The following BRPF1 variants were observed in gnomAD, a reference collection of about 807,000 sequenced individuals.
BRPF1 encodes the protein peregrin.
A neutral mutation model predicts 115.0 loss-of-function variants in BRPF1; 15 were observed. That is an observed-to-expected ratio of 0.13 (90% CI 0.09 to 0.20). The LOEUF (loss-of-function observed/expected upper bound fraction) is 0.20, where lower values mean the gene tolerates loss of function less well. Ranked by LOEUF, BRPF1 falls within the 10% of genes least tolerant of loss-of-function variation. The pLI is 1.00. For missense variants in BRPF1, 1,118 were observed against 1,638.3 expected, an observed-to-expected ratio of 0.68 and a Z score of 5.48; for synonymous variants, 647 against 619.8, an observed-to-expected ratio of 1.04 and a Z score of -0.65.
At chr3:9,740,042 A>C in intron 3 of BRPF1, 84 bp downstream of exon 3, 1 of 1,451,360 alleles carries the variant, frequency 6.9e-7, no homozygotes, top group Non-Finnish European at 9.1e-7. Context: ...GTGGAATGGC[A>C]GGGCTGGGCT....
intron 2 of BRPF1, among the ~76,000 whole-genome samples, chr3:9,735,417 T>C (rs1286735065): frequency 2.0e-5 from 3 of 152,210 alleles, no homozygotes; most frequent in Non-Finnish European, 4.4e-5. Context: ...AAACATCCTG[T>C]TTCTGATTCC....
chr3:9,741,362 C>T lies in BRPF1; in HGVS notation c.1777C>T (p.Arg593Trp), dbSNP rs759964498. Residue 593 changes from arginine to tryptophan, a missense_variant, in exon 5 of 14, where the codon CGG (arginine) becomes TGG (tryptophan). Physicochemically the swap from Arg to Trp is moderately radical, Grantham distance 101. This residue lies in a region of BRPF1 where 178 missense variants were observed against 303.7 expected (regional missense o/e 0.59). Coordinates refer to ENST00000383829, the MANE Select transcript of BRPF1 (RefSeq NM_001003694.2). ...TAAAGAACAGCTCAAGTCCTGGCAG[C>T]GGCTCCGGCATGACTTGGAGCGAGC... ...ALKEQLKSWQ[R>W]LRHDLERARL... The T allele has an allele frequency of 2.5e-5, 40 of 1,607,500 alleles. No homozygotes were observed. The highest frequency in any genetic ancestry group is 3.1e-5 in the Non-Finnish European group (36 of 1,175,548).
At position 9,747,453 on chromosome 3, in the gene BRPF1, C is replaced by G. The variant is rs2077147872; in HGVS notation, c.*104C>G. The G allele has an allele frequency of 1.4e-6, 2 of 1,424,460 alleles. No individual in the cohort carries two copies. Among genetic ancestry groups the G allele is most frequent in the African/African-American group, 2.8e-5 (2 of 70,830 alleles). 88.2% of individuals were successfully genotyped at this position (1,424,460 alleles called of 1,614,324 possible). On this transcript the variant is annotated 3_prime_UTR_variant, in exon 14 of 14. Coordinates refer to ENST00000383829, the MANE Select transcript of BRPF1 (RefSeq NM_001003694.2). This position sits in a 1 kb window ranked among gnomAD's most constrained non-coding sequence, Gnocchi z 5.6. ...GCCTCTGCACTGACTCATTTCTGGT[C>G]TTGGGGCCAGTCTCAGGGGAAGCTG...
In BRPF1 at chr3:9,734,671, A is replaced by G. The variant is rs139127766; in HGVS notation, c.531A>G (p.Pro177=). The G allele has an allele frequency of 6.2e-7, 1 of 1,614,170 alleles. No individual in the cohort carries two copies. The highest frequency in any genetic ancestry group is 1.1e-5 in the South Asian group (1 of 91,082). ...NVSASTTPKL[P]EVVYRELEQD... The stretch of plus-strand genomic sequence containing the variant: ...CTGCGAGCACCACTCCCAAGCTGCC[A>G]GAGGTGGTCTATCGGGAGCTGGAAC... Residue 177 remains proline, a synonymous_variant, in exon 2 of 14, where the codon CCA becomes CCG. Transcript: ENST00000383829. The surrounding 1 kb of genome is among the most constrained non-coding windows in gnomAD (Gnocchi z 5.7).
chr3:9,746,185 T>C (rs1003887952), intron 12 of BRPF1, 115 bp from the exon 13 acceptor site: 6 of 1,318,540 alleles, frequency 4.6e-6, no homozygotes, highest in African/African-American at 1.5e-5. Context: ...ATTGCAGTTC[T>C]AGTAGCATGA....
chr3:9,741,179 T>G, intron 4 of BRPF1, 129 bp from the exon 5 acceptor site: 6 of 1,225,732 alleles, frequency 4.9e-6, no homozygotes, highest in Non-Finnish European at 6.8e-6. Context: ...GACACACAGA[T>G]TGAGGCACTA....
chr3:9,737,944 T>C (rs1294316005), intron 2 of BRPF1, among the ~76,000 whole-genome samples: 3 of 152,214 alleles, frequency 2.0e-5, no homozygotes, highest in Non-Finnish European at 2.9e-5. Context: ...CGTTCTGTCA[T>C]CAGTAAAACT....
intron 2 of BRPF1, among the ~76,000 whole-genome samples, chr3:9,736,631 C>T (rs159157): frequency 0.91 from 138,630 of 152,282 alleles, 63,330 homozygotes; most frequent in African/African-American, 0.97. Flanking sequence ...TCCACTTAGA[C>T]TGACTCTTTC....
chr3:9,742,997 G>A lies in BRPF1; in HGVS notation c.2055G>A (p.Lys685=), dbSNP rs2077057373. ...IKKPMDFFTM[K]QNLEAYRYLN... is the part of the protein sequence containing the mutation. ...AGCCCATGGACTTTTTCACCATGAA[G>A]CAGAACTTGGAGGCTTACCGCTACC... is the stretch of plus-strand genomic sequence containing the variant. The change falls in exon 7 of 14, where the codon AAG becomes AAA. Residue 685 remains lysine (K), a synonymous_variant. Coordinates refer to ENST00000383829, the MANE Select transcript of BRPF1 (RefSeq NM_001003694.2). The A allele has an allele frequency of 6.2e-7, 1 of 1,614,188 alleles. No homozygotes were observed. Among genetic ancestry groups the A allele is most frequent in the East Asian group, 2.2e-5 (1 of 44,884 alleles).
intron 2 of BRPF1, among the ~76,000 whole-genome samples, chr3:9,735,279 C>T (rs1430251815): frequency 6.6e-6 from 1 of 152,176 alleles, no homozygotes; most frequent in Admixed American, 6.5e-5. Flanking sequence ...TCCCAAAGTG[C>T]TGGGATTACA....
intron 1 of BRPF1, chr3:9,732,748 G>A: frequency 6.6e-6 from 1 of 152,396 alleles, no homozygotes; most frequent in Non-Finnish European, 1.5e-5. Context: ...ATCAGGAGCC[G>A]TTGACAGTGG....
chr3:9,745,516 A>G lies in BRPF1; in HGVS notation c.3069-57A>G. The stretch of plus-strand genomic sequence containing the variant: ...GCTTTAAGAGCTGAGGGCACATACC[A>G]TGCTGTTCCCCATTCTTCCCCTCCT... On this transcript the variant is annotated intron_variant, in intron 10 of 13. Coordinates refer to ENST00000383829, the MANE Select transcript of BRPF1 (RefSeq NM_001003694.2). This position sits in a 1 kb window ranked among gnomAD's most constrained non-coding sequence, Gnocchi z 5.1. 6.3e-7 allele frequency: 1 copy of G among 1,580,640 alleles called. No homozygotes were observed. The highest frequency in any genetic ancestry group is 8.7e-7 in the Non-Finnish European group (1 of 1,150,750).
In BRPF1 at chr3:9,747,257, C is replaced by T; in HGVS notation, c.3571C>T (p.Arg1191Cys). 3 of 1,614,190 alleles carry T rather than the reference C, an allele frequency of 1.9e-6. No homozygotes were observed. Among genetic ancestry groups the T allele is most frequent in the Non-Finnish European group, 2.5e-6 (3 of 1,180,046 alleles). ...KMLEGRKSNI[R>C]KSVQIAYHRA... ...GCTGGAGGGCCGCAAGTCCAACATC[C>T]GCAAGTCAGTACAGATCGCCTACCA... The change falls in exon 14 of 14, where the codon CGC becomes TGC. Residue 1191 changes from arginine (R) to cysteine (C), a missense_variant. This residue lies in a region of BRPF1 where 76 missense variants were observed against 166.1 expected (regional missense o/e 0.46). Transcript: ENST00000383829. This position sits in a 1 kb window ranked among gnomAD's most constrained non-coding sequence, Gnocchi z 5.6.
At position 9,743,634 on chromosome 3, in the gene BRPF1, G is replaced by A. The variant is rs1434715999; in HGVS notation, c.2368G>A (p.Glu790Lys). The change falls in exon 8 of 14, where the codon GAA becomes AAA. Residue 790 changes from glutamate (E) to lysine (K), a missense_variant. Physicochemically the swap from Glu to Lys is moderately conservative, Grantham distance 56. Around this residue, in one of 10 missense-constraint regions of BRPF1, gnomAD observed 223 missense variants for 240.7 expected, o/e 0.93. Transcript: ENST00000383829. The surrounding 1 kb of genome is among the most constrained non-coding windows in gnomAD (Gnocchi z 6.1). Reference protein sequence around the residue: ...LENQKHLPVEEQLKLLLERLD... With the variant: ...LENQKHLPVEKQLKLLLERLD... ...GAACCAGAAGCACCTGCCAGTGGAAGAACAGCTAAAGCTGCTTCTGGAGCG... is the reference window on the plus strand; with the variant it reads ...GAACCAGAAGCACCTGCCAGTGGAAAAACAGCTAAAGCTGCTTCTGGAGCG... 6.2e-7 allele frequency: 1 copy of A among 1,613,966 alleles called. No individual in the cohort carries two copies. Among genetic ancestry groups the A allele is most frequent in the Non-Finnish European group, 8.5e-7 (1 of 1,180,004 alleles).
chr3:9,735,166 C>T (rs1366713009), intron 2 of BRPF1, among the ~76,000 whole-genome samples: 1 of 152,028 alleles, frequency 6.6e-6, no homozygotes, highest in Non-Finnish European at 1.5e-5. Flanking sequence ...CACATGCCAC[C>T]ATGCCCAGCT....
Position 9,745,485 on chromosome 3 carries a change from C to T in BRPF1, c.3069-88C>T. The T allele has an allele frequency of 2.7e-6, 4 of 1,458,936 alleles. No homozygotes were observed. Among genetic ancestry groups the T allele is most frequent in the African/African-American group, 1.4e-5 (1 of 71,682 alleles). The allele number at this position is 1,458,936 out of a possible 1,614,324, so 90.4% of individuals were successfully genotyped here. ...CTCTGCTTTCCAAAAGTCTCAGACC[C>T]TGCGGGCTTTAAGAGCTGAGGGCAC... On this transcript the variant is annotated intron_variant, in intron 10 of 13. Coordinates refer to ENST00000383829, the MANE Select transcript of BRPF1 (RefSeq NM_001003694.2). This position sits in a 1 kb window ranked among gnomAD's most constrained non-coding sequence, Gnocchi z 5.1.
chr3:9,745,844 T>C lies in BRPF1; in HGVS notation c.3238T>C (p.Trp1080Arg). Residue 1080 changes from tryptophan (W) to arginine (R), a missense_variant, in exon 12 of 14, where the codon TGG becomes CGG. Transcript: ENST00000383829. The surrounding 1 kb of genome is among the most constrained non-coding windows in gnomAD (Gnocchi z 5.1). ...GAAGAGTCTGGGCCGGGGAGCTGGC[T>C]GGCTGTCAGAGGATGAGGACTCCCC... ...VRKSLGRGAG[W>R]LSEDEDSPLD... 1 of 1,614,162 alleles carries C rather than the reference T, an allele frequency of 6.2e-7. No individual in the cohort carries two copies. Among genetic ancestry groups the C allele is most frequent in the East Asian group, 2.2e-5 (1 of 44,888 alleles).
rs374526438 is a variant in BRPF1 at position 9,742,648 on chromosome 3, C to T, written c.2002-296C>T. The T allele has an allele frequency of 1.4e-5, 10 of 691,974 alleles. No individual in the cohort carries two copies. The East Asian group carries it at 1.2e-3, about 84-fold the overall frequency. 42.9% of individuals were successfully genotyped at this position (691,974 alleles called of 1,614,324 possible). On this transcript the variant is annotated intron_variant, in intron 6 of 13. Coordinates refer to ENST00000383829, the MANE Select transcript of BRPF1 (RefSeq NM_001003694.2). Reference sequence around the variant, plus strand: ...TTTATTTTCAGAGGAGTCCCCAAGCCATTTTCTTACTAAAGCCTCATATAG... The same window carrying T: ...TTTATTTTCAGAGGAGTCCCCAAGCTATTTTCTTACTAAAGCCTCATATAG...
Position 9,743,876 on chromosome 3 carries a change from G to C in BRPF1, c.2610G>C (p.Glu870Asp), listed in dbSNP as rs781093234. 6.3e-7 allele frequency: 1 copy of C among 1,585,104 alleles called. No homozygotes were observed. Among genetic ancestry groups the C allele is most frequent in the South Asian group, 1.1e-5 (1 of 87,770 alleles). Residue 870 changes from glutamate (E) to aspartate (D), a missense_variant, in exon 8 of 14, where the codon GAG (glutamate) becomes GAC (aspartate). By Grantham distance (45) the Glu-to-Asp change is conservative (BLOSUM62 2). Coordinates refer to ENST00000383829, the MANE Select transcript of BRPF1 (RefSeq NM_001003694.2). The surrounding 1 kb of genome is among the most constrained non-coding windows in gnomAD (Gnocchi z 6.1). ...KDGQTDSAAE[E>D]SSSQETSKGL... ...GGCAGACAGATAGTGCGGCAGAGGA[G>C]AGCAGCAGCCAGGAGACAAGCAAAG...
Sources: allele counts gnomAD v4.1 joint callset (sites outside exome capture counted in the v4.1 genomes callset), GRCh38; gene constraint gnomAD v4.1.1; regional missense constraint gnomAD v4.1.1; non-coding constraint Gnocchi (gnomAD v3.1); transcripts MANE v1.5; gene names NCBI Gene and HGNC (gene_info 2026-07-23, HGNC 2026-07-21).